PLCB1: variants seen among roughly 807,000 people sequenced by gnomAD.
PLCB1 encodes 1-phosphatidylinositol 4,5-bisphosphate phosphodiesterase beta-1.
In PLCB1, 46 loss-of-function variants were observed where a neutral mutation model predicts 161.8. That is an observed-to-expected ratio of 0.28 (90% CI 0.22 to 0.36). The LOEUF (loss-of-function observed/expected upper bound fraction) is 0.36. Ranked by LOEUF, PLCB1 falls within the 10% of genes least tolerant of loss-of-function variation. The pLI, the probability that PLCB1 is intolerant of heterozygous loss-of-function variation, is 1.00. For synonymous variants in PLCB1, 517 were observed against 503.7 expected (o/e 1.03, Z -0.35); for missense variants, 1,016 against 1,472.5 (o/e 0.69, Z 5.07).
intron 3 of PLCB1, among the ~76,000 whole-genome samples, chr20:8,419,265 G>C (rs904701685): frequency 6.6e-6 from 1 of 152,074 alleles, no homozygotes; most frequent in Non-Finnish European, 1.5e-5. Flanking sequence ...ACTTTTATAG[G>C]GGATTTACAT....
At chr20:8,580,295 A>G (rs1379487699) in intron 3 of PLCB1, among the ~76,000 whole-genome samples, 1 of 152,200 alleles carries the variant, frequency 6.6e-6, no homozygotes, top group Non-Finnish European at 1.5e-5. Context: ...GCAATAATAT[A>G]TTACTGTTCT....
chr20:8,555,549 C>G (rs1306477342), intron 3 of PLCB1, among the ~76,000 whole-genome samples: 4 of 152,070 alleles, frequency 2.6e-5, no homozygotes, highest in Admixed American at 2.6e-4. Flanking sequence ...CCTGTTTGGT[C>G]TTAAGTCTTC....
intron 3 of PLCB1, among the ~76,000 whole-genome samples, chr20:8,544,028 G>A (rs535069106): frequency 6.6e-6 from 1 of 152,230 alleles, no homozygotes; most frequent in East Asian, 1.9e-4. Context: ...AACTTAAATT[G>A]TGTAAAAGAA....
chr20:8,431,489 C>G (rs979899092), intron 3 of PLCB1, among the ~76,000 whole-genome samples: 1 of 152,104 alleles, frequency 6.6e-6, no homozygotes, highest in Admixed American at 6.6e-5. Context: ...TTTTTAAATA[C>G]CAAAAATTGT....
intron 18 of PLCB1, among the ~76,000 whole-genome samples, chr20:8,731,477 G>A (rs982720715): frequency 7.9e-5 from 12 of 151,834 alleles, no homozygotes; most frequent in African/African-American, 2.9e-4. Flanking sequence ...CCTAATATAA[G>A]TTTCACTGTT....
At chr20:8,679,746 A>G (rs1990170157) in intron 9 of PLCB1, among the ~76,000 whole-genome samples, 1 of 152,190 alleles carries the variant, frequency 6.6e-6, no homozygotes, top group Admixed American at 6.5e-5. Context: ...GACATGTCCA[A>G]TGGCATACTG....
At chr20:8,527,630 G>A (rs376432524) in intron 3 of PLCB1, among the ~76,000 whole-genome samples, 1 of 152,034 alleles carries the variant, frequency 6.6e-6, no homozygotes, top group Non-Finnish European at 1.5e-5. Context: ...GTGAGGCATA[G>A]TACAGTCTGG....
At chr20:8,204,795 T>A (rs1978441212) in intron 2 of PLCB1, among the ~76,000 whole-genome samples, 1 of 152,198 alleles carries the variant, frequency 6.6e-6, no homozygotes, top group Non-Finnish European at 1.5e-5. Context: ...ACTGGGATAG[T>A]CCATTCATTC....
intron 2 of PLCB1, among the ~76,000 whole-genome samples, chr20:8,227,548 C>A (rs6055670): frequency 0.8 from 121,556 of 152,012 alleles, 48,837 homozygotes; most frequent in African/African-American, 0.84. Flanking sequence ...TGCCACTTCC[C>A]CTCTCAGTGA....
chr20:8,213,931 C>T (rs76896235), intron 2 of PLCB1, among the ~76,000 whole-genome samples: 6,027 of 151,908 alleles, frequency 0.04, 347 homozygotes, highest in African/African-American at 0.12. Flanking sequence ...CGTCATTTTC[C>T]GACAGGGCAG....
intron 9 of PLCB1, among the ~76,000 whole-genome samples, chr20:8,669,884 G>A (rs1989902459): frequency 6.6e-6 from 1 of 152,198 alleles, no homozygotes; most frequent in South Asian, 2.1e-4. Flanking sequence ...TAAAGTGAAG[G>A]CCATGGTCCT....
intron 2 of PLCB1, among the ~76,000 whole-genome samples, chr20:8,288,156 G>A (rs1441902062): frequency 6.6e-6 from 1 of 152,126 alleles, no homozygotes; most frequent in Non-Finnish European, 1.5e-5. Context: ...TTTTAGGTCT[G>A]CCCTTCTCTA....
intron 3 of PLCB1, among the ~76,000 whole-genome samples, chr20:8,423,125 T>C (rs1876728): frequency 0.25 from 38,696 of 152,034 alleles, 5,181 homozygotes; most frequent in South Asian, 0.41. Context: ...GCACTTATCC[T>C]TCTTTAAGAT....
chr20:8,422,934 T>C lies in PLCB1; in HGVS notation c.246+51484T>C, dbSNP rs142453364. On this transcript the variant is annotated intron_variant, in intron 3 of 31. Coordinates refer to ENST00000338037, the MANE Select transcript of PLCB1 (RefSeq NM_015192.4). The stretch of plus-strand genomic sequence containing the variant: ...TATTTATAAATGGCAATGATAAAAA[T>C]ATTTCCTTCACAGGAACGTTTGGAA... Among the ~76,000 whole-genome samples the C allele has an allele frequency of 5.1e-3, 772 of 152,298 alleles. 8 individuals are homozygous for C. The highest frequency in any genetic ancestry group is 0.018 in the African/African-American group (732 of 41,562).
intron 9 of PLCB1, among the ~76,000 whole-genome samples, chr20:8,668,380 T>A (rs1989866423): frequency 6.6e-6 from 1 of 152,164 alleles, no homozygotes; most frequent in Non-Finnish European, 1.5e-5. Context: ...AAGCTAGGGA[T>A]AGCATTATTT....
intron 3 of PLCB1, among the ~76,000 whole-genome samples, chr20:8,586,612 A>G (rs981677222): frequency 1.1e-4 from 17 of 152,202 alleles, no homozygotes; most frequent in African/African-American, 4.1e-4. Context: ...AGTGACAAGT[A>G]GCAACCCGCT....
intron 3 of PLCB1, among the ~76,000 whole-genome samples, chr20:8,433,727 C>T (rs979645532): frequency 1.5e-4 from 18 of 116,974 alleles, no homozygotes; most frequent in African/African-American, 5.7e-4. Context: ...CCTCCTCATC[C>T]TCCTCCTCCT....
chr20:8,722,383 G>C lies in PLCB1; in HGVS notation c.1543G>C (p.Asp515His). 1 of 1,606,756 alleles carries C rather than the reference G, an allele frequency of 6.2e-7. No homozygotes were observed. Among genetic ancestry groups the C allele is most frequent in the South Asian group, 1.1e-5 (1 of 90,136 alleles). ...GEADTESDDD[D>H]DDDDCKKSSM... Reference sequence around the variant, plus strand: ...AGCTGATACGGAAAGTGACGACGACGATGATGATGATGACTGTAAAAAATC... The same window carrying C: ...AGCTGATACGGAAAGTGACGACGACCATGATGATGATGACTGTAAAAAATC... Residue 515 changes from aspartate to histidine, a missense_variant, in exon 15 of 32, where the codon GAT (aspartate) becomes CAT (histidine). Physicochemically the swap from Asp to His is moderately conservative, Grantham distance 81. Around this residue, in one of 10 missense-constraint regions of PLCB1, gnomAD observed 109 missense variants for 129.7 expected, o/e 0.84. Coordinates refer to ENST00000338037, the MANE Select transcript of PLCB1 (RefSeq NM_015192.4).
At chr20:8,166,405 CT>C (rs1443547975) in intron 2 of PLCB1, among the ~76,000 whole-genome samples, 1 of 152,110 alleles carries the variant, frequency 6.6e-6, no homozygotes, top group African/African-American at 2.4e-5. Context: ...TCTTGACTTT[CT>C]TTTTCTCCTA....
Sources: gnomAD v4.1 joint callset for allele counts (sites outside exome capture counted in the v4.1 genomes callset) on GRCh38, gnomAD v4.1.1 for gene constraint, gnomAD v4.1.1 regional missense constraint, MANE v1.5 for transcripts, NCBI Gene and HGNC (gene_info 2026-07-23, HGNC 2026-07-21) for gene names.